The following RRP1 variants were observed in gnomAD, a reference collection of about 807,000 sequenced individuals.
The protein encoded by RRP1 is ribosomal RNA processing protein 1 homolog A.
A neutral mutation model predicts 54.6 loss-of-function variants in RRP1; 37 were observed. That is an observed-to-expected ratio of 0.68 (90% CI 0.52 to 0.89). The LOEUF is 0.89. Among genes scored for constraint, RRP1 ranks in the 40% least tolerant of loss-of-function variants. The pLI, the probability that RRP1 is intolerant of heterozygous loss-of-function variation, is 0.00. For missense variants in RRP1, 639 were observed against 612.5 expected (o/e 1.04, Z -0.46); for synonymous variants, 262 against 244.3 (o/e 1.07, Z -0.67).
Position 43,803,967 on chromosome 21 carries a change from G to GGCGGAGGCTCTGGGGAA in RRP1, c.*193_*194insGCGGAGGCTCTGGGGAA. On this transcript the variant is annotated 3_prime_UTR_variant, in exon 13 of 13. Coordinates refer to ENST00000497547, the MANE Select transcript of RRP1 (RefSeq NM_003683.6). ...ATCCCAGGAACTGGACCTTTCCCCAGAGCCTCCGCCTGTGGCTGTGATGAC... is the reference window on the plus strand; with the variant it reads ...ATCCCAGGAACTGGACCTTTCCCCAGGCGGAGGCTCTGGGGAAAGCCTCCGCCTGTGGCTGTGATGAC... 1 of 662,108 alleles carries GGCGGAGGCTCTGGGGAA rather than the reference G, an allele frequency of 1.5e-6. No individual in the cohort carries two copies. Among genetic ancestry groups the GGCGGAGGCTCTGGGGAA allele is most frequent in the Non-Finnish European group, 2.4e-6 (1 of 414,242 alleles). The allele number at this position is 662,108 out of a possible 1,614,324, so 41.0% of individuals were successfully genotyped here. A position where few individuals can be genotyped will look rare whatever the true frequency, so the allele number is the denominator to read the frequency against.
rs1601865241 is a variant in RRP1 at position 43,791,269 on chromosome 21, G to C, written c.134-81G>C. The C allele has an allele frequency of 1.4e-5, 20 of 1,428,402 alleles. No individual in the cohort carries two copies. In the East Asian group the frequency reaches 4.6e-4, roughly 33 times the overall value. The allele number at this position is 1,428,402 out of a possible 1,614,324, so 88.5% of individuals were successfully genotyped here. ...TAAGTGGGACTTTGGTCTCATTCAG[G>C]CAGTCACGTTTCTGTGGCTTCCTTT... On this transcript the variant is annotated intron_variant, in intron 1 of 12. Transcript: ENST00000497547.
rs1476598501 is a variant in RRP1, at chr21:43,803,828, G to A, written c.*54G>A. The A allele has an allele frequency of 4.4e-5, 66 of 1,497,054 alleles. No individual in the cohort carries two copies. Among genetic ancestry groups the A allele is most frequent in the East Asian group, 1.2e-4 (5 of 42,294 alleles). The allele number at this position is 1,497,054 out of a possible 1,614,324, so 92.7% of individuals were successfully genotyped here. ...GGAGGCCAGGCCTCGCTTGCACCGC[G>A]GGACGAGGCTGACCGGGCTGTTCTG... On this transcript the variant is annotated 3_prime_UTR_variant, in exon 13 of 13. Coordinates refer to ENST00000497547, the MANE Select transcript of RRP1 (RefSeq NM_003683.6).
rs1452785352 is a variant in RRP1 at position 43,793,729 on chromosome 21, GTC to G, written c.360+327_360+328del. 3.3e-5 allele frequency among the ~76,000 whole-genome samples: 5 copies of G among 152,278 alleles called. No individual in the cohort carries two copies. In the East Asian group the frequency reaches 9.6e-4, roughly 29 times the overall value. On this transcript the variant is annotated intron_variant, in intron 4 of 12. Coordinates refer to ENST00000497547, the MANE Select transcript of RRP1 (RefSeq NM_003683.6). ...TTACCTTGTCAAAGAGGCAGAGTGAGTCTGGAGGCGCAGCAGAGGAGCTGCGG... is the reference window on the plus strand; with the variant it reads ...TTACCTTGTCAAAGAGGCAGAGTGAGTGGAGGCGCAGCAGAGGAGCTGCGG...
In RRP1 at chr21:43,794,480, C is replaced by T. The variant is rs1463308884; in HGVS notation, c.361-709C>T. ...ACCGCAGGGTGTTGTGGGGGATAGG[C>T]CTCCTGTGTCTGCAAGAACAGTGTC... is the stretch of plus-strand genomic sequence containing the variant. On this transcript the variant is annotated intron_variant, in intron 4 of 12. Coordinates refer to ENST00000497547, the MANE Select transcript of RRP1 (RefSeq NM_003683.6). Among the ~76,000 whole-genome samples, 5 of 152,162 alleles carry T rather than the reference C, an allele frequency of 3.3e-5. No homozygotes were observed. In the South Asian group the frequency reaches 6.2e-4, roughly 19 times the overall value.
Position 43,798,087 on chromosome 21 carries a change from G to A in RRP1, c.798G>A (p.Glu266=). 6.2e-7 allele frequency: 1 copy of A among 1,611,964 alleles called. No homozygotes were observed. The highest frequency in any genetic ancestry group is 8.5e-7 in the Non-Finnish European group (1 of 1,178,900). Residue 266 remains glutamate (E), a synonymous_variant, in exon 8 of 13, where the codon GAG becomes GAA. Coordinates refer to ENST00000497547, the MANE Select transcript of RRP1 (RefSeq NM_003683.6). ...RGDALSQKRS[E]KPPAGSICRA... Reference sequence around the variant, plus strand: ...ACGCGCTGTCCCAGAAGAGGTCTGAGAAGCCGCCCGCAGGTGGGGGTCACA... The same window carrying A: ...ACGCGCTGTCCCAGAAGAGGTCTGAAAAGCCGCCCGCAGGTGGGGGTCACA...
At chr21:43,792,602 G>T in intron 2 of RRP1, 70 bp from the exon 3 acceptor site, 2 of 1,470,972 alleles carry the variant, frequency 1.4e-6, no homozygotes, top group Non-Finnish European at 1.9e-6. Context: ...TGAGTGGGTG[G>T]TTGCGTGTGT....
intron 8 of RRP1, among the ~76,000 whole-genome samples, chr21:43,798,500 G>A (rs760860732): frequency 4.9e-4 from 74 of 152,062 alleles, no homozygotes; most frequent in Non-Finnish European, 9.7e-4. Context: ...CCTCCCCATA[G>A]CGTCACTCTG....
chr21:43,792,561 ACT>A, intron 2 of RRP1, 109 bp from the exon 3 acceptor site: 1 of 1,072,132 alleles, frequency 9.3e-7, no homozygotes, highest in South Asian at 1.4e-5. Context: ...CTGGAAGCCG[ACT>A]CTCTGTGATG....
chr21:43,799,553 G>C lies in RRP1; in HGVS notation c.812-17G>C, dbSNP rs775557866. On this transcript the variant is annotated splice_polypyrimidine_tract_variant and intron_variant, in intron 8 of 12. Transcript: ENST00000497547. ...CGTTGGGCACAGGTAGGGTTCACGG[G>C]GTCCCTTTTGTTCCAGGCTCCATCT... 8 of 1,604,748 alleles carry C rather than the reference G, an allele frequency of 5.0e-6. No homozygotes were observed. In the South Asian group the frequency reaches 9.0e-5, roughly 18 times the overall value.
chr21:43,804,967 TC>T lies in RRP1; in HGVS notation c.*1197del, dbSNP rs1238730079. On this transcript the variant is annotated 3_prime_UTR_variant, in exon 13 of 13. Coordinates refer to ENST00000497547, the MANE Select transcript of RRP1 (RefSeq NM_003683.6). This position sits in a 1 kb window ranked among gnomAD's most constrained non-coding sequence, Gnocchi z 4.3. ...CCCTGTTCTAGGGGTTAGGGTTCTT[TC>T]CCCAAAGGAACTTAAAAAGACAAGC... The T allele has an allele frequency of 2.0e-5, 3 of 152,276 alleles. No individual in the cohort carries two copies. Among genetic ancestry groups the T allele is most frequent in the African/African-American group, 7.2e-5 (3 of 41,418 alleles). The allele number at this position is 152,276 out of a possible 1,614,324, so 9.4% of individuals were successfully genotyped here.
In RRP1 at chr21:43,803,621, C is replaced by T; in HGVS notation, c.1233C>T (p.Gly411=). Residue 411 remains glycine (G), a synonymous_variant, in exon 13 of 13, where the codon GGC becomes GGT. Transcript: ENST00000497547. ...GGGCAGAGGCTGGTGAGCAGCCAGG[C>T]ACAGCTGAGCGGGCCCTGCTCCGAG... The part of the protein sequence containing the change: ...EARAEAGEQP[G]TAERALLRDQ... 1 of 1,550,996 alleles carries T rather than the reference C, an allele frequency of 6.4e-7. No homozygotes were observed. The highest frequency in any genetic ancestry group is 8.7e-7 in the Non-Finnish European group (1 of 1,147,780).
At chr21:43,793,569 T>C (rs975080201) in intron 4 of RRP1, 165 bp downstream of exon 4, 3 of 612,660 alleles carry the variant, frequency 4.9e-6, no homozygotes, top group East Asian at 2.8e-5. Flanking sequence ...TGACCAGGGC[T>C]CTGCAGCTTT....
chr21:43,798,031 G>A lies in RRP1; in HGVS notation c.742G>A (p.Asp248Asn). 6.2e-7 allele frequency: 1 copy of A among 1,614,182 alleles called. No homozygotes were observed. The highest frequency in any genetic ancestry group is 2.2e-5 in the East Asian group (1 of 44,876). ...GGATGAGGAGGTGGCGTCGGACAGT[G>A]ATGAGTCCTCTGAGGGTGGTGAGCG... ...TQDEEVASDS[D>N]ESSEGGERGD... Residue 248 changes from aspartate (D) to asparagine (N), a missense_variant, in exon 8 of 13, where the codon GAT (aspartate) becomes AAT (asparagine). Transcript: ENST00000497547.
At chr21:43,803,143 T>G (rs1042259664) in intron 12 of RRP1, among the ~76,000 whole-genome samples, 1 of 152,266 alleles carries the variant, frequency 6.6e-6, no homozygotes, top group African/African-American at 2.4e-5. Context: ...TGGCCTCCTC[T>G]TTGTAGCCGG....
intron 8 of RRP1, among the ~76,000 whole-genome samples, chr21:43,798,877 T>G (rs562408969): frequency 6.6e-6 from 1 of 152,050 alleles, no homozygotes; most frequent in Non-Finnish European, 1.5e-5. Context: ...TGGCCACTGT[T>G]CCCCTTGGCT....
intron 8 of RRP1, among the ~76,000 whole-genome samples, chr21:43,798,354 T>C (rs955296126): frequency 6.6e-6 from 1 of 152,106 alleles, no homozygotes; most frequent in African/African-American, 2.4e-5. Flanking sequence ...AACGCATGCC[T>C]CTGGCTCAGT....
chr21:43,794,507 G>A (rs879929100), intron 4 of RRP1, among the ~76,000 whole-genome samples: 5 of 152,170 alleles, frequency 3.3e-5, no homozygotes, highest in African/African-American at 2.4e-5. Flanking sequence ...AACAGTGTCC[G>A]GGCTGCTGGG....
intron 3 of RRP1, 128 bp downstream of exon 3, chr21:43,792,857 C>A: frequency 1.1e-6 from 1 of 947,160 alleles, no homozygotes; most frequent in Non-Finnish European, 1.7e-6. Flanking sequence ...AAGAGAGCGC[C>A]AGCTGGTGTC....
intron 1 of RRP1, 144 bp downstream of exon 1, chr21:43,789,906 T>TAACAGCGGGAACAGGCCAG: frequency 9.8e-7 from 1 of 1,025,348 alleles, no homozygotes; most frequent in Non-Finnish European, 1.3e-6. Flanking sequence ...CACTGGCCTG[T>TAACAGCGGGAACAGGCCAG]TCCCGCTGTT....
Sources: allele counts gnomAD v4.1 joint callset (sites outside exome capture counted in the v4.1 genomes callset), GRCh38; gene constraint gnomAD v4.1.1; non-coding constraint Gnocchi (gnomAD v3.1); transcripts MANE v1.5; gene names NCBI Gene and HGNC (gene_info 2026-07-23, HGNC 2026-07-21).